AGTPBP1: variants seen among roughly 807,000 people sequenced by gnomAD.
AGTPBP1 encodes the protein ATP/GTP binding carboxypeptidase 1, also known as cytosolic carboxypeptidase 1.
Under a neutral mutation model 143.9 loss-of-function variants are expected in AGTPBP1, and 70 were observed. The ratio of observed to expected loss-of-function variants is 0.49; its 90% CI spans 0.40 to 0.59. The LOEUF (loss-of-function observed/expected upper bound fraction) is 0.59. Ranked by LOEUF, AGTPBP1 falls within the 20% of genes least tolerant of loss-of-function variation. AGTPBP1 has a pLI of 0.00. For synonymous variants in AGTPBP1, 463 were observed against 500.2 expected (o/e 0.93, Z 0.99); for missense variants, 1,229 against 1,464.5 (o/e 0.84, Z 2.62).
intron 25 of AGTPBP1, among the ~76,000 whole-genome samples, chr9:85,573,867 G>A (rs191130936): frequency 3.3e-4 from 49 of 149,210 alleles, no homozygotes; most frequent in African/African-American, 1.2e-3. Flanking sequence ...CCTCCGCCTG[G>A]CAGCCACCCC....
chr9:85,636,560 A>C (rs1252182458), intron 13 of AGTPBP1, among the ~76,000 whole-genome samples: 2 of 152,024 alleles, frequency 1.3e-5, no homozygotes, highest in Non-Finnish European at 2.9e-5. Context: ...CCTGGCCCCT[A>C]GTAGATATTT....
intron 11 of AGTPBP1, among the ~76,000 whole-genome samples, chr9:85,647,216 G>A (rs192621357): frequency 1.3e-5 from 2 of 152,304 alleles, no homozygotes; most frequent in Admixed American, 1.3e-4. Context: ...GGCGGAGGTT[G>A]CGGTGAGCCA....
intron 1 of AGTPBP1, among the ~76,000 whole-genome samples, chr9:85,739,851 A>G (rs956937887): frequency 6.6e-6 from 1 of 152,028 alleles, no homozygotes; most frequent in African/African-American, 2.4e-5. Flanking sequence ...CGTCTCTACT[A>G]AAAACACAAA....
At chr9:85,775,553 G>A in the AGTPBP1 span, among the ~76,000 whole-genome samples, 1 of 146,068 alleles carries the variant, frequency 6.8e-6, no homozygotes, top group South Asian at 2.1e-4. Flanking sequence ...AAAATATATA[G>A]GATATATAAA....
chr9:85,721,148 T>G (rs1838085777), intron 1 of AGTPBP1, among the ~76,000 whole-genome samples: 1 of 152,204 alleles, frequency 6.6e-6, no homozygotes, highest in Non-Finnish European at 1.5e-5. Flanking sequence ...TTCCGTTGAT[T>G]TGGGATAGAG....
Position 85,592,548 on chromosome 9 carries a change from T to TA in AGTPBP1, c.2568+11dup. The TA allele has an allele frequency of 6.4e-7, 1 of 1,562,192 alleles. No homozygotes were observed. Among genetic ancestry groups the TA allele is most frequent in the Non-Finnish European group, 8.6e-7 (1 of 1,156,270 alleles). On this transcript the variant is annotated intron_variant, in intron 19 of 25. Transcript: ENST00000357081. Reference sequence around the variant, plus strand: ...CATATCCATATAATACAATTTAATTTAGAGTTCTTACCTGTAAAGTTGAAT... The same window carrying TA: ...CATATCCATATAATACAATTTAATTTAAGAGTTCTTACCTGTAAAGTTGAAT...
chr9:85,709,394 T>C (rs1283925364), intron 2 of AGTPBP1, among the ~76,000 whole-genome samples: 1 of 152,224 alleles, frequency 6.6e-6, no homozygotes, highest in African/African-American at 2.4e-5. Context: ...GCTTTTCTCC[T>C]ACAACCAGAA....
chr9:85,560,947 T>A (rs944494569), intron 25 of AGTPBP1, among the ~76,000 whole-genome samples: 1 of 152,106 alleles, frequency 6.6e-6, no homozygotes, highest in Non-Finnish European at 1.5e-5. Flanking sequence ...CCAAAACTGA[T>A]AGAAGACATG....
chr9:85,705,734 A>C (rs1564165433), intron 2 of AGTPBP1, among the ~76,000 whole-genome samples: 2 of 152,246 alleles, frequency 1.3e-5, no homozygotes, highest in South Asian at 2.1e-4. Flanking sequence ...TCTGTCACCC[A>C]GGCTGGAGTG....
At chr9:85,795,261 A>C in the AGTPBP1 span, among the ~76,000 whole-genome samples, 1 of 152,238 alleles carries the variant, frequency 6.6e-6, no homozygotes. Flanking sequence ...AATCCTGAGC[A>C]ACCCATGTCT....
chr9:85,609,448 C>G (rs1454441568), intron 17 of AGTPBP1, among the ~76,000 whole-genome samples: 1 of 151,874 alleles, frequency 6.6e-6, no homozygotes, highest in Non-Finnish European at 1.5e-5. Flanking sequence ...GTGCCAGGCT[C>G]ATTTTTGTAT....
the AGTPBP1 span, among the ~76,000 whole-genome samples, chr9:85,784,869 C>T: frequency 6.6e-6 from 1 of 152,216 alleles, no homozygotes; most frequent in East Asian, 1.9e-4. Flanking sequence ...AAACTGTTAA[C>T]TCTTATAGTT....
intron 3 of AGTPBP1, among the ~76,000 whole-genome samples, chr9:85,683,938 C>T (rs1835341527): frequency 6.6e-6 from 1 of 152,062 alleles, no homozygotes; most frequent in South Asian, 2.1e-4. Flanking sequence ...CACCCCCACC[C>T]CCACCAATTT....
At position 85,720,939 on chromosome 9, in the gene AGTPBP1, G is replaced by A. The variant is rs139614512; in HGVS notation, c.-33-8373C>T. ...CCGTTATGTACCCAGTAGTCATTCA[G>A]GAGCAGGTTGTTCAGTTTCCATGTA... On this transcript the variant is annotated intron_variant, in intron 1 of 25. Transcript: ENST00000357081. 1.5e-3 allele frequency among the ~76,000 whole-genome samples: 222 copies of A among 152,264 alleles called. 1 individual carries two copies. Among genetic ancestry groups the A allele is most frequent in the African/African-American group, 4.5e-3 (188 of 41,562 alleles).
rs777298611 is a variant in AGTPBP1 at position 85,642,960 on chromosome 9, A to T, written c.1186-17T>A. ...ATCATCATTCTGAAATGATAAAAAGAGTATGTTATCAGGTAAAACAAAATT... is the reference window on the plus strand; with the variant it reads ...ATCATCATTCTGAAATGATAAAAAGTGTATGTTATCAGGTAAAACAAAATT... On this transcript the variant is annotated splice_polypyrimidine_tract_variant and intron_variant, in intron 12 of 25. Transcript: ENST00000357081. 2 of 1,577,092 alleles carry T rather than the reference A, an allele frequency of 1.3e-6. No individual in the cohort carries two copies. Among genetic ancestry groups the T allele is most frequent in the Admixed American group, 3.4e-5 (2 of 58,882 alleles).
the AGTPBP1 span, among the ~76,000 whole-genome samples, chr9:85,776,678 T>G: frequency 6.6e-6 from 1 of 152,156 alleles, no homozygotes; most frequent in African/African-American, 2.4e-5. Flanking sequence ...GCTGACTTAA[T>G]GGTAGGTAGA....
chr9:85,556,343 A>G (rs900935704), intron 25 of AGTPBP1, among the ~76,000 whole-genome samples: 1 of 152,176 alleles, frequency 6.6e-6, no homozygotes, highest in African/African-American at 2.4e-5. Flanking sequence ...AAGAACAGCA[A>G]AAGAGAATGG....
chr9:85,774,115 A>G, the AGTPBP1 span: 2 of 985,924 alleles, frequency 2.0e-6, no homozygotes, highest in South Asian at 1.4e-5. Flanking sequence ...GAATTTGATC[A>G]CTTAAAAGCT....
At chr9:85,561,850 T>G (rs1826752109) in intron 25 of AGTPBP1, among the ~76,000 whole-genome samples, 1 of 150,934 alleles carries the variant, frequency 6.6e-6, no homozygotes. Context: ...TTTTTTTTTT[T>G]GAGAAGGAGT....
Sources: allele counts gnomAD v4.1 joint callset (sites outside exome capture counted in the v4.1 genomes callset), GRCh38; gene constraint gnomAD v4.1.1; transcripts MANE v1.5; gene names NCBI Gene and HGNC (gene_info 2026-07-23, HGNC 2026-07-21).